Variants in HTR2C observed in about 807,000 individuals in gnomAD.
The protein encoded by HTR2C is 5-hydroxytryptamine receptor 2C, also known as 5-hydroxytryptamine (serotonin) receptor 2C, G protein-coupled.
A neutral mutation model predicts 21.0 loss-of-function variants in HTR2C; 5 were observed. That is an observed-to-expected ratio of 0.24 (90% CI 0.12 to 0.50). HTR2C has a LOEUF of 0.50. Ranked by LOEUF, HTR2C falls within the 20% of genes least tolerant of loss-of-function variation. The pLI is 0.98. For synonymous variants in HTR2C, 150 were observed against 145.3 expected, an observed-to-expected ratio of 1.03 and a Z score of -0.23; for missense variants, 271 against 371.2, an observed-to-expected ratio of 0.73 and a Z score of 2.22.
chrX:114,865,815 T>TG (rs2071041239), intron 5 of HTR2C, among the ~76,000 whole-genome samples: 1 of 111,006 alleles, frequency 9.0e-6, no homozygotes, highest in Admixed American at 9.6e-5. Context: ...TTTATTGTAT[T>TG]TATTTATTTA....
chrX:114,650,173 G>A (rs1930506393), intron 2 of HTR2C, among the ~76,000 whole-genome samples: 1 of 111,700 alleles, frequency 9.0e-6, no homozygotes, highest in Non-Finnish European at 1.9e-5. Context: ...CCATATGAAT[G>A]AAAATTAATG....
At chrX:114,587,369 G>A (rs1294872298) in intron 1 of HTR2C, among the ~76,000 whole-genome samples, 4 of 111,463 alleles carry the variant, frequency 3.6e-5, no homozygotes, top group African/African-American at 1.3e-4. Flanking sequence ...GATGATGTAC[G>A]TGTACTGAGA....
chrX:114,626,247 G>C (rs1237808382), intron 2 of HTR2C, among the ~76,000 whole-genome samples: 1 of 108,630 alleles, frequency 9.2e-6, no homozygotes, highest in African/African-American at 3.4e-5. Context: ...AAATTAGCCA[G>C]GCATGGTGGC....
intron 2 of HTR2C, among the ~76,000 whole-genome samples, chrX:114,702,913 G>A (rs1556417135): frequency 9.7e-6 from 1 of 102,622 alleles, no homozygotes; most frequent in South Asian, 4.9e-4. Flanking sequence ...TGCAATCCTA[G>A]TCTCTGATAA....
At position 114,755,195 on chromosome X, in the gene HTR2C, G is replaced by A. The variant is rs1654530339; in HGVS notation, c.349+23588G>A. Among the ~76,000 whole-genome samples the A allele has an allele frequency of 2.9e-5, 3 of 104,710 alleles. No homozygotes were observed. In the South Asian group the frequency reaches 1.3e-3, roughly 46 times the overall value. 90.9% of individuals were successfully genotyped at this position (104,710 alleles called of 115,157 possible). On this transcript the variant is annotated intron_variant, in intron 4 of 5. Coordinates refer to ENST00000276198, the MANE Select transcript of HTR2C (RefSeq NM_000868.4). Reference sequence around the variant, plus strand: ...GTGGAGGTTGCAGTGAGCTGAGATCGCACCATTGCACTCCAGCCTGGGGGA... The same window carrying A: ...GTGGAGGTTGCAGTGAGCTGAGATCACACCATTGCACTCCAGCCTGGGGGA...
chrX:114,838,732 C>T (rs181214203), intron 4 of HTR2C, among the ~76,000 whole-genome samples: 30 of 112,239 alleles, frequency 2.7e-4, no homozygotes, highest in African/African-American at 9.7e-4. Context: ...GTGCTATAGC[C>T]TCTTGGCTAT....
chrX:114,628,768 T>G (rs1427115185), intron 2 of HTR2C, among the ~76,000 whole-genome samples: 1 of 111,649 alleles, frequency 9.0e-6, no homozygotes, highest in Non-Finnish European at 1.9e-5. Flanking sequence ...AATAAAAACT[T>G]TGGCGGAATT....
chrX:114,830,796 C>T (rs1398842177), intron 4 of HTR2C, among the ~76,000 whole-genome samples: 9 of 95,665 alleles, frequency 9.4e-5, no homozygotes, highest in Non-Finnish European at 1.7e-4. Flanking sequence ...GCTGCACCCA[C>T]TAACTCATCA....
chrX:114,774,088 A>G (rs934868313), intron 4 of HTR2C, among the ~76,000 whole-genome samples: 2 of 112,408 alleles, frequency 1.8e-5, no homozygotes, highest in African/African-American at 3.2e-5. Context: ...AACAAAACAC[A>G]GTGGGATGTC....
At chrX:114,652,162 A>T (rs1930599870) in intron 2 of HTR2C, among the ~76,000 whole-genome samples, 1 of 111,403 alleles carries the variant, frequency 9.0e-6, no homozygotes, top group Admixed American at 9.6e-5. Context: ...AGTAGATCAT[A>T]TGTCTTTGAT....
chrX:114,808,213 A>G (rs1556451472), intron 4 of HTR2C, among the ~76,000 whole-genome samples: 1 of 111,162 alleles, frequency 9.0e-6, no homozygotes, highest in African/African-American at 3.3e-5. Context: ...TATAAGCGAG[A>G]ACATGTGAAG....
intron 4 of HTR2C, among the ~76,000 whole-genome samples, chrX:114,780,372 G>A (rs781829384): frequency 8.9e-6 from 1 of 111,760 alleles, no homozygotes; most frequent in African/African-American, 3.2e-5. Flanking sequence ...GAACCCAGAT[G>A]TGGGCAGCTC....
chrX:114,780,558 T>G lies in HTR2C; in HGVS notation c.349+48951T>G, dbSNP rs990042883. 2.7e-5 allele frequency among the ~76,000 whole-genome samples: 3 copies of G among 111,605 alleles called. No homozygotes were observed. The South Asian group carries it at 1.1e-3, about 42-fold the overall frequency. ...GAACCACAACCTCACCCTTAGGGTC[T>G]GCAAGAAAAGGTGCCTTAGAATTGA... On this transcript the variant is annotated intron_variant, in intron 4 of 5. Coordinates refer to ENST00000276198, the MANE Select transcript of HTR2C (RefSeq NM_000868.4).
chrX:114,585,921 CG>C (rs1368551659), intron 1 of HTR2C, among the ~76,000 whole-genome samples: 3 of 107,808 alleles, frequency 2.8e-5, no homozygotes, highest in Admixed American at 2.0e-4. Context: ...ATTTGGGGGG[CG>C]GGGGGTGAGG....
intron 2 of HTR2C, chrX:114,715,295 C>T (rs1465798616): frequency 5.2e-6 from 2 of 385,338 alleles, no homozygotes; most frequent in Admixed American, 2.5e-5. Context: ...TGTTATTTGG[C>T]AATAAATACA....
At chrX:114,710,689 A>C (rs1932878835) in intron 2 of HTR2C, among the ~76,000 whole-genome samples, 1 of 111,824 alleles carries the variant, frequency 8.9e-6, no homozygotes, top group African/African-American at 3.2e-5. Context: ...CCATTTCCAC[A>C]GGAATGACTC....
intron 5 of HTR2C, among the ~76,000 whole-genome samples, chrX:114,851,897 C>T (rs993608066): frequency 9.0e-6 from 1 of 111,059 alleles, no homozygotes; most frequent in Admixed American, 9.7e-5. Flanking sequence ...ATATCAATAC[C>T]TTTAATCCCA....
intron 2 of HTR2C, among the ~76,000 whole-genome samples, chrX:114,636,978 A>G (rs948633144): frequency 7.1e-5 from 8 of 111,964 alleles, no homozygotes; most frequent in East Asian, 2.8e-4. Flanking sequence ...TGGTGTGGTT[A>G]GGGATTGGCA....
At chrX:114,693,021 C>T (rs1297533823) in intron 2 of HTR2C, among the ~76,000 whole-genome samples, 2 of 111,671 alleles carry the variant, frequency 1.8e-5, no homozygotes, top group Non-Finnish European at 3.8e-5. Context: ...GAGATGACTT[C>T]TTTCTGTCAA....
Sources: gnomAD v4.1 joint callset for allele counts (sites outside exome capture counted in the v4.1 genomes callset) on GRCh38, gnomAD v4.1.1 for gene constraint, MANE v1.5 for transcripts, NCBI Gene and HGNC (gene_info 2026-07-23, HGNC 2026-07-21) for gene names.